The following TBX21 variants were observed in gnomAD, a reference collection of about 807,000 sequenced individuals.
The protein encoded by TBX21 is T-box transcription factor 21.
A neutral mutation model predicts 52.2 loss-of-function variants in TBX21; 11 were observed. That is an observed-to-expected ratio of 0.21 (90% CI 0.13 to 0.35). The LOEUF (loss-of-function observed/expected upper bound fraction) is 0.35. TBX21 is among the 10% of genes least tolerant of loss of function. The probability of loss-of-function intolerance (pLI) is 1.00; values close to 1 mark genes in which losing one functional copy is unlikely to be tolerated. For missense variants in TBX21, 625 were observed against 755.1 expected, an observed-to-expected ratio of 0.83 and a Z score of 2.02; for synonymous variants, 300 against 316.1, an observed-to-expected ratio of 0.95 and a Z score of 0.54.
At chr17:47,736,497 C>T (rs959089509) in intron 1 of TBX21, among the ~76,000 whole-genome samples, 1 of 152,104 alleles carries the variant, frequency 6.6e-6, no homozygotes, top group African/African-American at 2.4e-5. Flanking sequence ...TTCCAATCCT[C>T]ACACTTTTTG....
intron 1 of TBX21, among the ~76,000 whole-genome samples, chr17:47,734,602 T>TGTGTGTGTGTGG (rs1567918935): frequency 8.3e-6 from 1 of 120,234 alleles, no homozygotes; most frequent in African/African-American, 3.2e-5. Flanking sequence ...TGTGTGTGTG[T>TGTGTGTGTGTGG]GTGTGTGTAT....
intron 5 of TBX21, 85 bp from the exon 6 acceptor site, chr17:47,744,663 C>T (rs2032307524): frequency 2.9e-5 from 46 of 1,598,448 alleles, no homozygotes; most frequent in Non-Finnish European, 3.8e-5. Flanking sequence ...GAAGGAGGGT[C>T]GGAGAAGGAA....
rs540768942 is a variant in TBX21, at chr17:47,742,520, C to T, written c.492-90C>T. Reference sequence around the variant, plus strand: ...GTGAGTGGGAGGAAGCCGGCTACAGCACACCACTGATGCCTGGGCACTGTT... The same window carrying T: ...GTGAGTGGGAGGAAGCCGGCTACAGTACACCACTGATGCCTGGGCACTGTT... On this transcript the variant is annotated intron_variant, in intron 1 of 5. Coordinates refer to ENST00000177694, the MANE Select transcript of TBX21 (RefSeq NM_013351.2). This position sits in a 1 kb window ranked among gnomAD's most constrained non-coding sequence, Gnocchi z 4.4. 82 of 1,435,890 alleles carry T rather than the reference C, an allele frequency of 5.7e-5. No individual in the cohort carries two copies. The highest frequency in any genetic ancestry group is 1.3e-4 in the Admixed American group (5 of 37,436). The allele number at this position is 1,435,890 out of a possible 1,614,324, so 88.9% of individuals were successfully genotyped here.
chr17:47,742,461 G>A lies in TBX21; in HGVS notation c.492-149G>A. ...TTATGGCTGTGTTTAACCACTGGCT[G>A]GCAAACTCCCTAAACACCTTCCAGC... is the stretch of plus-strand genomic sequence containing the variant. On this transcript the variant is annotated intron_variant, in intron 1 of 5. Coordinates refer to ENST00000177694, the MANE Select transcript of TBX21 (RefSeq NM_013351.2). This position sits in a 1 kb window ranked among gnomAD's most constrained non-coding sequence, Gnocchi z 4.4. The A allele has an allele frequency of 1.2e-6, 1 of 864,548 alleles. No homozygotes were observed. The highest frequency in any genetic ancestry group is 3.0e-5 in the East Asian group (1 of 33,782). The allele number at this position is 864,548 out of a possible 1,614,324, so 53.6% of individuals were successfully genotyped here. A position where few individuals can be genotyped will look rare whatever the true frequency, so the allele number is the denominator to read the frequency against.
At position 47,733,712 on chromosome 17, in the gene TBX21, C is replaced by A. The variant is rs2032168899; in HGVS notation, c.258C>A (p.Phe86Leu). 4 of 1,417,836 alleles carry A rather than the reference C, an allele frequency of 2.8e-6. No homozygotes were observed. The highest frequency in any genetic ancestry group is 2.8e-6 in the Non-Finnish European group (3 of 1,086,490). The allele number at this position is 1,417,836 out of a possible 1,614,324, so 87.8% of individuals were successfully genotyped here. ...AYPPRPQAAG[F>L]PGAGESFPPP... is the part of the protein sequence containing the mutation. ...CGCCGCGACCCCAGGCGGCCGGCTT[C>A]CCCGGCGCGGGCGAGTCCTTCCCGC... The change falls in exon 1 of 6, where the codon TTC becomes TTA. Residue 86 changes from phenylalanine (F) to leucine (L), a missense_variant. Phe to Leu is a conservative substitution (Grantham distance 22). Around this residue, in one of 4 missense-constraint regions of TBX21, gnomAD observed 221 missense variants for 204.9 expected, o/e 1.08. Transcript: ENST00000177694. This position sits in a 1 kb window ranked among gnomAD's most constrained non-coding sequence, Gnocchi z 6.6.
chr17:47,744,133 G>A (rs760292661), intron 3 of TBX21, 62 bp from the exon 4 acceptor site: 1 of 1,583,348 alleles, frequency 6.3e-7, no homozygotes, highest in African/African-American at 1.3e-5. Flanking sequence ...CTGTTGGTGG[G>A]GGTGATGGGA....
Position 47,745,547 on chromosome 17 carries a change from C to G in TBX21, c.*181C>G. ...GGGGTTCACCAGATGCTTCCTGGCCCACGATGAAACCTGAGAGGGGTGTCC... is the reference window on the plus strand; with the variant it reads ...GGGGTTCACCAGATGCTTCCTGGCCGACGATGAAACCTGAGAGGGGTGTCC... On this transcript the variant is annotated 3_prime_UTR_variant, in exon 6 of 6. Coordinates refer to ENST00000177694, the MANE Select transcript of TBX21 (RefSeq NM_013351.2). The G allele has an allele frequency of 1.3e-6, 1 of 770,112 alleles. No individual in the cohort carries two copies. Among genetic ancestry groups the G allele is most frequent in the Non-Finnish European group, 2.0e-6 (1 of 504,694 alleles). 47.7% of individuals were successfully genotyped at this position (770,112 alleles called of 1,614,324 possible).
At chr17:47,743,879 C>CAAAA (rs772309900) in intron 3 of TBX21, among the ~76,000 whole-genome samples, 4 of 62,130 alleles carry the variant, frequency 6.4e-5, no homozygotes, top group African/African-American at 1.9e-4. Flanking sequence ...GACTCCGTCT[C>CAAAA]AAAAAAAAAA....
At chr17:47,741,727 T>A (rs986568267) in intron 1 of TBX21, among the ~76,000 whole-genome samples, 1 of 152,008 alleles carries the variant, frequency 6.6e-6, no homozygotes, top group African/African-American at 2.4e-5. Context: ...GTGAGGACCT[T>A]CCAGGAACTG....
chr17:47,734,606 TGTGTATGTGTGTGTGG>T (rs1255910599), intron 1 of TBX21, among the ~76,000 whole-genome samples: 3,751 of 107,002 alleles, frequency 0.035, 80 homozygotes, highest in South Asian at 0.087. Context: ...TGTGTGTGTG[TGTGTATGTGTGTGTGG>T]GTGTGTGTGT....
At position 47,743,092 on chromosome 17, in the gene TBX21, C is replaced by T. The variant is rs1397528385; in HGVS notation, c.668C>T (p.Pro223Leu). 1.9e-6 allele frequency: 3 copies of T among 1,614,170 alleles called. No homozygotes were observed. The highest frequency in any genetic ancestry group is 2.5e-6 in the Non-Finnish European group (3 of 1,180,026). ...ACAGGAAACCGCCTGTACGTCCACC[C>T]GGACTCCCCCAACACAGGAGCGCAC... ...SMPGNRLYVHPDSPNTGAHWM... is the reference protein window; with the variant it reads ...SMPGNRLYVHLDSPNTGAHWM... The change falls in exon 3 of 6, where the codon CCG (proline) becomes CTG (leucine). Residue 223 changes from proline to leucine, a missense_variant. Physicochemically the swap from Pro to Leu is moderately conservative, Grantham distance 98 (BLOSUM62 -3). This residue lies in a region of TBX21 where 142 missense variants were observed against 258.5 expected (regional missense o/e 0.55). Transcript: ENST00000177694.
In TBX21 at chr17:47,745,506, G is replaced by T; in HGVS notation, c.*140G>T. 1 of 1,249,220 alleles carries T rather than the reference G, an allele frequency of 8.0e-7. No individual in the cohort carries two copies. The highest frequency in any genetic ancestry group is 1.1e-6 in the Non-Finnish European group (1 of 924,784). The allele number at this position is 1,249,220 out of a possible 1,614,324, so 77.4% of individuals were successfully genotyped here. ...TTTAGTAGTTGGTTGGGGAAGTGGGGCTCAAGAAGGATTTTGGGGTTCACC... is the reference window on the plus strand; with the variant it reads ...TTTAGTAGTTGGTTGGGGAAGTGGGTCTCAAGAAGGATTTTGGGGTTCACC... On this transcript the variant is annotated 3_prime_UTR_variant, in exon 6 of 6. Transcript: ENST00000177694.
intron 1 of TBX21, among the ~76,000 whole-genome samples, chr17:47,736,676 C>A (rs2032210200): frequency 6.6e-6 from 1 of 152,118 alleles, no homozygotes; most frequent in Non-Finnish European, 1.5e-5. Context: ...CAGGTTACCT[C>A]CATACCTTCT....
Position 47,742,865 on chromosome 17 carries a change from C to T in TBX21, c.646+101C>T. On this transcript the variant is annotated intron_variant, in intron 2 of 5. Transcript: ENST00000177694. This position sits in a 1 kb window ranked among gnomAD's most constrained non-coding sequence, Gnocchi z 4.4. ...ACCCCTAATTCCTAGACCTTTAACC[C>T]CCTCCCACTCCATCCCACGCCATTG... The T allele has an allele frequency of 1.4e-6, 2 of 1,464,564 alleles. No homozygotes were observed. Among genetic ancestry groups the T allele is most frequent in the East Asian group, 2.5e-5 (1 of 40,610 alleles). The allele number at this position is 1,464,564 out of a possible 1,614,324, so 90.7% of individuals were successfully genotyped here.
chr17:47,745,024 C>T lies in TBX21; in HGVS notation c.1266C>T (p.Gly422=), dbSNP rs2032313944. 6.2e-7 allele frequency: 1 copy of T among 1,612,542 alleles called. No homozygotes were observed. The highest frequency in any genetic ancestry group is 1.7e-5 in the Admixed American group (1 of 60,008). ...GGCCCACCATGTCCTACTACCGAGGCCAGGAGGTCCTGGCACCTGGAGCTG... is the reference window on the plus strand; with the variant it reads ...GGCCCACCATGTCCTACTACCGAGGTCAGGAGGTCCTGGCACCTGGAGCTG... The part of the protein sequence containing the change: ...APGPTMSYYR[G]QEVLAPGAGW... The change falls in exon 6 of 6, where the codon GGC becomes GGT. Residue 422 remains glycine (G), a synonymous_variant. Coordinates refer to ENST00000177694, the MANE Select transcript of TBX21 (RefSeq NM_013351.2).
chr17:47,733,453 G>T lies in TBX21; in HGVS notation c.-2G>T. 6.7e-7 allele frequency: 1 copy of T among 1,484,582 alleles called. No individual in the cohort carries two copies. The allele number at this position is 1,484,582 out of a possible 1,614,324, so 92.0% of individuals were successfully genotyped here. ...CTACGGGAAGGTGCCAGCCCGCCCCGGATGGGCATCGTGGAGCCGGGTTGC... is the reference window on the plus strand; with the variant it reads ...CTACGGGAAGGTGCCAGCCCGCCCCTGATGGGCATCGTGGAGCCGGGTTGC... On this transcript the variant is annotated 5_prime_UTR_variant, in exon 1 of 6. Coordinates refer to ENST00000177694, the MANE Select transcript of TBX21 (RefSeq NM_013351.2). This position sits in a 1 kb window ranked among gnomAD's most constrained non-coding sequence, Gnocchi z 6.6.
chr17:47,742,635 A>G lies in TBX21; in HGVS notation c.517A>G (p.Thr173Ala). 1 of 1,603,242 alleles carries G rather than the reference A, an allele frequency of 6.2e-7. No homozygotes were observed. The highest frequency in any genetic ancestry group is 8.5e-7 in the Non-Finnish European group (1 of 1,175,352). Residue 173 changes from threonine to alanine, a missense_variant, in exon 2 of 6, where the codon ACT becomes GCT. This residue lies in a region of TBX21 where 142 missense variants were observed against 258.5 expected (regional missense o/e 0.55). Transcript: ENST00000177694. The surrounding 1 kb of genome is among the most constrained non-coding windows in gnomAD (Gnocchi z 4.4). ...GCGGATGTTCCCATTCCTGTCATTTACTGTGGCCGGGCTGGAGCCCACCAG... is the reference window on the plus strand; with the variant it reads ...GCGGATGTTCCCATTCCTGTCATTTGCTGTGGCCGGGCTGGAGCCCACCAG... ...GRRMFPFLSF[T>A]VAGLEPTSHY...
rs2032173439 is a variant in TBX21 at position 47,733,972 on chromosome 17, G to A, written c.491+27G>A. 1 of 1,612,364 alleles carries A rather than the reference G, an allele frequency of 6.2e-7. No homozygotes were observed. Among genetic ancestry groups the A allele is most frequent in the Admixed American group, 1.7e-5 (1 of 59,992 alleles). Reference sequence around the variant, plus strand: ...TGAGTGCGGCGCGCCGGCCCTTGGGGCCTCTGTGCCCGCGCCGGAACAAGA... The same window carrying A: ...TGAGTGCGGCGCGCCGGCCCTTGGGACCTCTGTGCCCGCGCCGGAACAAGA... On this transcript the variant is annotated intron_variant, in intron 1 of 5. Coordinates refer to ENST00000177694, the MANE Select transcript of TBX21 (RefSeq NM_013351.2). The surrounding 1 kb of genome is among the most constrained non-coding windows in gnomAD (Gnocchi z 6.6).
At chr17:47,741,921 G>A (rs2032270554) in intron 1 of TBX21, among the ~76,000 whole-genome samples, 1 of 152,170 alleles carries the variant, frequency 6.6e-6, no homozygotes, top group South Asian at 2.1e-4. Flanking sequence ...ACTCATGTGA[G>A]TCATTGAACA....
Sources: gnomAD v4.1 joint callset for allele counts (sites outside exome capture counted in the v4.1 genomes callset) on GRCh38, gnomAD v4.1.1 for gene constraint, gnomAD v4.1.1 regional missense constraint, Gnocchi (gnomAD v3.1) non-coding constraint, MANE v1.5 for transcripts, NCBI Gene and HGNC (gene_info 2026-07-23, HGNC 2026-07-21) for gene names.